Variants in KHDRBS1 observed in about 807,000 individuals in gnomAD.
KHDRBS1 encodes KH RNA binding domain containing, signal transduction associated 1.
A neutral mutation model predicts 48.4 loss-of-function variants in KHDRBS1; 7 were observed. The observed-to-expected ratio is 0.14, with a 90% CI of 0.08 to 0.27. The LOEUF is 0.27. Among genes scored for constraint, KHDRBS1 ranks in the 10% least tolerant of loss-of-function variants. The probability of loss-of-function intolerance (pLI) is 1.00; values close to 1 mark genes in which losing one functional copy is unlikely to be tolerated. For synonymous variants in KHDRBS1, 241 were observed against 235.8 expected, an observed-to-expected ratio of 1.02 and a Z score of -0.20; for missense variants, 458 against 601.2, an observed-to-expected ratio of 0.76 and a Z score of 2.49.
intron 6 of KHDRBS1, 49 bp from the exon 7 acceptor site, chr1:32,038,503 C>G (rs370524481): frequency 1.2e-5 from 19 of 1,578,036 alleles, no homozygotes; most frequent in East Asian, 4.5e-5. Flanking sequence ...CTTTCCTACT[C>G]TCTATGATTT....
intron 6 of KHDRBS1, among the ~76,000 whole-genome samples, 162 bp from the exon 7 acceptor site, chr1:32,038,390 C>G (rs941266347): frequency 6.6e-6 from 1 of 152,136 alleles, no homozygotes; most frequent in Non-Finnish European, 1.5e-5. Context: ...TGTTTAGTAA[C>G]CCTTTCTCTT....
intron 5 of KHDRBS1, among the ~76,000 whole-genome samples, chr1:32,037,424 A>G (rs981364584): frequency 4.0e-5 from 6 of 151,660 alleles, no homozygotes; most frequent in African/African-American, 1.2e-4. Context: ...AGCCTGGGAG[A>G]TAGAGCAAGA....
At chr1:32,051,981 T>G (rs1639427798) in intron 10 of KHDRBS1, among the ~76,000 whole-genome samples, 1 of 152,214 alleles carries the variant, frequency 6.6e-6, no homozygotes. Flanking sequence ...GTCATTTTCA[T>G]TTTTTTCCCT....
chr1:32,044,603 T>A (rs1049945360), downstream of KHDRBS1, among the ~76,000 whole-genome samples: 49 of 151,778 alleles, frequency 3.2e-4, no homozygotes, highest in African/African-American at 1.1e-3. Flanking sequence ...TGATGGACAT[T>A]TTTTTTTTCT....
In KHDRBS1 at chr1:32,036,980, C is replaced by G; in HGVS notation, c.842C>G (p.Ser281Cys). 1 of 1,614,122 alleles carries G rather than the reference C, an allele frequency of 6.2e-7. No homozygotes were observed. Among genetic ancestry groups the G allele is most frequent in the Non-Finnish European group, 8.5e-7 (1 of 1,180,016 alleles). Reference protein sequence around the residue: ...LSYLNGVPEPSRGRGVPVRGR... With the variant: ...LSYLNGVPEPCRGRGVPVRGR... ...TACTTGAATGGAGTACCTGAACCCT[C>G]TCGTGGACGTGGGGTGCCAGTGAGA... Residue 281 changes from serine (S) to cysteine (C), a missense_variant, in exon 5 of 9, where the codon TCT (serine) becomes TGT (cysteine). Physicochemically the swap from Ser to Cys is moderately radical, Grantham distance 112. Coordinates refer to ENST00000327300, the MANE Select transcript of KHDRBS1 (RefSeq NM_006559.3).
intron 1 of KHDRBS1, among the ~76,000 whole-genome samples, chr1:32,022,060 C>T (rs575538700): frequency 1.3e-5 from 2 of 151,806 alleles, no homozygotes; most frequent in Non-Finnish European, 2.9e-5. Context: ...CTCCACCTCC[C>T]GGGTTCAAGC....
At position 32,041,458 on chromosome 1, in the gene KHDRBS1, T is replaced by G. The variant is rs532151350; in HGVS notation, c.1235-1069T>G. ...TTTTCATAAGAGGTCACCTCTAGAATTATGTGATCATATTCCTCAGGCTTT... is the reference window on the plus strand; with the variant it reads ...TTTTCATAAGAGGTCACCTCTAGAAGTATGTGATCATATTCCTCAGGCTTT... On this transcript the variant is annotated intron_variant, in intron 8 of 8. Transcript: ENST00000327300. 1.5e-4 allele frequency among the ~76,000 whole-genome samples: 23 copies of G among 152,296 alleles called. No individual in the cohort carries two copies. The South Asian group carries it at 4.6e-3, about 30-fold the overall frequency.
intron 1 of KHDRBS1, 54 bp downstream of exon 1, chr1:32,014,431 G>A (rs1452062822): frequency 1.6e-6 from 2 of 1,279,774 alleles, no homozygotes; most frequent in African/African-American, 1.5e-5. Flanking sequence ...GGGCATGAGT[G>A]GCCCTGGCTT....
chr1:32,051,460 A>C (rs534384576), intron 10 of KHDRBS1, among the ~76,000 whole-genome samples: 7 of 152,326 alleles, frequency 4.6e-5, no homozygotes, highest in Admixed American at 4.6e-4. Context: ...CTAGGATTTG[A>C]TCCCAAGAAT....
downstream of KHDRBS1, among the ~76,000 whole-genome samples, chr1:32,045,953 C>G (rs571836915): frequency 6.6e-6 from 1 of 152,148 alleles, no homozygotes; most frequent in African/African-American, 2.4e-5. Flanking sequence ...AAACCAGTTC[C>G]TCAAAAGGCA....
chr1:32,027,989 T>C (rs1353583447), intron 1 of KHDRBS1, among the ~76,000 whole-genome samples: 1 of 152,162 alleles, frequency 6.6e-6, no homozygotes. Flanking sequence ...TAGTGGCGCA[T>C]GCCTGTAGTT....
intron 1 of KHDRBS1, among the ~76,000 whole-genome samples, chr1:32,025,355 C>T (rs1011477812): frequency 7.9e-6 from 1 of 126,108 alleles, no homozygotes; most frequent in Non-Finnish European, 1.5e-5. Flanking sequence ...GGCTAGAGTG[C>T]AGTGGCACGA....
At chr1:32,024,513 G>C (rs1569777275) in intron 1 of KHDRBS1, among the ~76,000 whole-genome samples, 1 of 150,836 alleles carries the variant, frequency 6.6e-6, no homozygotes, top group Non-Finnish European at 1.5e-5. Context: ...TTTTAGTAAA[G>C]ATGGGATCTC....
At chr1:32,037,160 A>G in intron 5 of KHDRBS1, 117 bp downstream of exon 5, 1 of 1,161,022 alleles carries the variant, frequency 8.6e-7, no homozygotes, top group Non-Finnish European at 1.2e-6. Flanking sequence ...ATGTTGCATA[A>G]AGAACAGAAT....
intron 1 of KHDRBS1, among the ~76,000 whole-genome samples, chr1:32,019,689 T>C (rs1263662194): frequency 1.3e-5 from 2 of 152,208 alleles, no homozygotes; most frequent in East Asian, 1.9e-4. Flanking sequence ...TATAATACTA[T>C]TTCTATAAAA....
rs867795124 is a variant in KHDRBS1 at position 32,021,719 on chromosome 1, C to T, written c.382+7342C>T. On this transcript the variant is annotated intron_variant, in intron 1 of 8. Coordinates refer to ENST00000327300, the MANE Select transcript of KHDRBS1 (RefSeq NM_006559.3). The stretch of plus-strand genomic sequence containing the variant: ...GCAACCTCTGCTTCCCGGGTTCAAG[C>T]GATTCTTGTGCCTCAGCCTCTCAAG... 1.1e-4 allele frequency among the ~76,000 whole-genome samples: 17 copies of T among 152,052 alleles called. No individual in the cohort carries two copies. In the Middle Eastern group the frequency reaches 0.01, roughly 92 times the overall value.
At chr1:32,017,832 C>A (rs886422304) in intron 1 of KHDRBS1, among the ~76,000 whole-genome samples, 1 of 151,830 alleles carries the variant, frequency 6.6e-6, no homozygotes, top group Non-Finnish European at 1.5e-5. Flanking sequence ...GTCTCAAACT[C>A]CCGACCTCAG....
At chr1:32,047,065 C>A (rs1055439036), downstream of KHDRBS1, among the ~76,000 whole-genome samples, 1 of 152,192 alleles carries the variant, frequency 6.6e-6, no homozygotes, top group Admixed American at 6.5e-5. Context: ...TGTTTGTGGA[C>A]CTAGGCCTGC....
At chr1:32,026,612 T>C (rs570710177) in intron 1 of KHDRBS1, among the ~76,000 whole-genome samples, 3 of 152,080 alleles carry the variant, frequency 2.0e-5, no homozygotes, top group Non-Finnish European at 2.9e-5. Flanking sequence ...ATTCACAGAG[T>C]GCATTACATT....
Sources: gnomAD v4.1 joint callset for allele counts (sites outside exome capture counted in the v4.1 genomes callset) on GRCh38, gnomAD v4.1.1 for gene constraint, MANE v1.5 for transcripts, NCBI Gene and HGNC (gene_info 2026-07-23, HGNC 2026-07-21) for gene names.